Variants in DOCK8 observed in about 807,000 individuals in gnomAD.
The protein encoded by DOCK8 is dedicator of cytokinesis 8.
A neutral mutation model predicts 245.6 loss-of-function variants in DOCK8; 141 were observed. The ratio of observed to expected loss-of-function variants is 0.57; its 90% CI spans 0.50 to 0.66. DOCK8 has a LOEUF of 0.66. Ranked by LOEUF, DOCK8 falls within the 30% of genes least tolerant of loss-of-function variation. The pLI is 0.00. For missense variants in DOCK8, 2,965 were observed against 2,603.4 expected (o/e 1.14, Z -3.02); for synonymous variants, 1,168 against 970.2 (o/e 1.20, Z -3.79).
At chr9:357,737 G>A (rs558388365) in intron 14 of DOCK8, among the ~76,000 whole-genome samples, 26 of 152,286 alleles carry the variant, frequency 1.7e-4, no homozygotes, top group South Asian at 1.5e-3. Context: ...TGCTGCTTGC[G>A]ATAACACCCC....
Position 371,438 on chromosome 9 carries a change from T to C in DOCK8, c.1879T>C (p.Phe627Leu). Residue 627 changes from phenylalanine (F) to leucine (L), a missense_variant, in exon 17 of 48, where the codon TTT becomes CTT. Physicochemically the swap from Phe to Leu is conservative, Grantham distance 22. This residue lies in a region of DOCK8 where 2,825 missense variants were observed against 2,453.5 expected (regional missense o/e 1.15). Coordinates refer to ENST00000432829, the MANE Select transcript of DOCK8 (RefSeq NM_203447.4). Reference protein sequence around the residue: ...AVTYHNKSPDFYEEVKIKLPA... With the variant: ...AVTYHNKSPDLYEEVKIKLPA... ...GTGCTTTTGAAACAGGTCTCCTGAC[T>C]TTTATGAAGAAGTGAAAATTAAGCT... 1 of 1,614,216 alleles carries C rather than the reference T, an allele frequency of 6.2e-7. No homozygotes were observed. The highest frequency in any genetic ancestry group is 8.5e-7 in the Non-Finnish European group (1 of 1,180,022).
At chr9:370,789 G>A (rs1017985202) in intron 16 of DOCK8, among the ~76,000 whole-genome samples, 31 of 152,178 alleles carry the variant, frequency 2.0e-4, no homozygotes, top group African/African-American at 7.5e-4. Flanking sequence ...GTTCCACAGG[G>A]AAGGGAGAGA....
In DOCK8 at chr9:452,031, A is replaced by T; in HGVS notation, c.5982A>T (p.Gln1994His). Residue 1994 changes from glutamine to histidine, a missense_variant, in exon 46 of 48, where the codon CAA (glutamine) becomes CAT (histidine). By Grantham distance (24) the Gln-to-His change is conservative. This residue lies in a region of DOCK8 where 134 missense variants were observed against 128.1 expected (regional missense o/e 1.05). Transcript: ENST00000432829. ...TVNQGPLEVA[Q>H]VFLAEIPADP... ...ACCAGGGACCACTGGAAGTAGCCCA[A>T]GTGTTTTTGGCTGAAATTCCTGCTG... 1 of 1,584,752 alleles carries T rather than the reference A, an allele frequency of 6.3e-7. No individual in the cohort carries two copies. Among genetic ancestry groups the T allele is most frequent in the East Asian group, 2.3e-5 (1 of 43,662 alleles).
chr9:259,366 C>G (rs2047862348), intron 1 of DOCK8, among the ~76,000 whole-genome samples: 1 of 152,120 alleles, frequency 6.6e-6, no homozygotes, highest in African/African-American at 2.4e-5. Flanking sequence ...GTATTTCCTT[C>G]TAGTTTTTAA....
intron 26 of DOCK8, among the ~76,000 whole-genome samples, chr9:399,988 C>CCA (rs1554691473): frequency 1.3e-5 from 1 of 79,462 alleles, no homozygotes; most frequent in Non-Finnish European, 2.3e-5. Context: ...ATCACCACCT[C>CCA]CCACCACCTC....
intron 12 of DOCK8, among the ~76,000 whole-genome samples, chr9:337,415 G>C (rs2130902381): frequency 6.6e-6 from 1 of 152,260 alleles, no homozygotes. Flanking sequence ...TTTGTTCCTT[G>C]TGATACCAAC....
At chr9:276,990 G>A (rs894071265) in intron 2 of DOCK8, 1 of 338,462 alleles carries the variant, frequency 3.0e-6, no homozygotes, top group Non-Finnish European at 6.2e-6. Context: ...TATTTTTTTT[G>A]TAGAGACGGA....
chr9:415,143 A>G (rs2055933362), intron 29 of DOCK8, among the ~76,000 whole-genome samples, 192 bp downstream of exon 29: 1 of 152,114 alleles, frequency 6.6e-6, no homozygotes, highest in Non-Finnish European at 1.5e-5. Context: ...ATAGCCCCAT[A>G]TGTGTTTTTT....
intron 7 of DOCK8, among the ~76,000 whole-genome samples, chr9:318,548 C>A (rs946589847): frequency 6.6e-6 from 1 of 152,248 alleles, no homozygotes; most frequent in Admixed American, 6.5e-5. Flanking sequence ...AGTCTGCTCA[C>A]ACAGCTATGG....
chr9:277,460 A>AGAAGG (rs1350799829), intron 2 of DOCK8, among the ~76,000 whole-genome samples: 1 of 60,748 alleles, frequency 1.6e-5, no homozygotes, highest in Non-Finnish European at 3.2e-5. Flanking sequence ...AGAGAAAGAG[A>AGAAGG]GAAGAGAAGA....
intron 1 of DOCK8, among the ~76,000 whole-genome samples, chr9:262,420 C>G (rs532474983): frequency 7.5e-6 from 1 of 132,828 alleles, no homozygotes; most frequent in South Asian, 2.7e-4. Context: ...GAAAACAACT[C>G]AAATGTCCAT....
At chr9:387,613 G>C (rs2054009502) in intron 23 of DOCK8, among the ~76,000 whole-genome samples, 1 of 152,202 alleles carries the variant, frequency 6.6e-6, no homozygotes, top group South Asian at 2.1e-4. Flanking sequence ...AAGTGTGGGA[G>C]GGCCGGGGCC....
chr9:342,906 C>T (rs1257992516), intron 14 of DOCK8, among the ~76,000 whole-genome samples: 1 of 152,042 alleles, frequency 6.6e-6, no homozygotes, highest in Non-Finnish European at 1.5e-5. Context: ...TTTGTCTTTG[C>T]CCCTCTGTAC....
At chr9:393,339 A>G (rs16937790) in intron 24 of DOCK8, among the ~76,000 whole-genome samples, 10,788 of 152,118 alleles carry the variant, frequency 0.071, 1,262 homozygotes, top group African/African-American at 0.25. Context: ...TGGCATACCA[A>G]TGGGAGAAAG....
At chr9:406,865 A>G in intron 27 of DOCK8, 65 bp from the exon 28 acceptor site, 1 of 1,609,118 alleles carries the variant, frequency 6.2e-7, no homozygotes, top group Non-Finnish European at 8.5e-7. Flanking sequence ...CTCAGTAAAC[A>G]CTGGCCATCG....
At chr9:433,825 C>T in intron 37 of DOCK8, 50 bp from the exon 38 acceptor site, 1 of 1,448,686 alleles carries the variant, frequency 6.9e-7, no homozygotes, top group Non-Finnish European at 9.7e-7. Flanking sequence ...CCTAACTCTT[C>T]ACCTGGGACT....
intron 10 of DOCK8, among the ~76,000 whole-genome samples, chr9:333,576 G>C (rs543950817): frequency 6.6e-6 from 1 of 150,446 alleles, no homozygotes; most frequent in African/African-American, 2.5e-5. Flanking sequence ...ACTCCAGCCT[G>C]GGTGACAGAG....
At chr9:346,963 A>G (rs10491691) in intron 14 of DOCK8, among the ~76,000 whole-genome samples, 1 of 151,922 alleles carries the variant, frequency 6.6e-6, no homozygotes, top group African/African-American at 2.4e-5. Flanking sequence ...CCAAGGAAAT[A>G]GGTTCCCAGT....
rs992125181 is a variant in DOCK8, at chr9:461,942, T to C, written c.6069-1575T>C. Among the ~76,000 whole-genome samples the C allele has an allele frequency of 4.6e-5, 7 of 152,014 alleles. No homozygotes were observed. In the East Asian group the frequency reaches 1.2e-3, roughly 25 times the overall value. On this transcript the variant is annotated intron_variant, in intron 46 of 47. Coordinates refer to ENST00000432829, the MANE Select transcript of DOCK8 (RefSeq NM_203447.4). ...TTTCCCTGTTTATTTGTTTTTATCA[T>C]GGATTTTATACCTTTTATTTATTTT...
Sources: gnomAD v4.1 joint callset for allele counts (sites outside exome capture counted in the v4.1 genomes callset) on GRCh38, gnomAD v4.1.1 for gene constraint, gnomAD v4.1.1 regional missense constraint, MANE v1.5 for transcripts, NCBI Gene and HGNC (gene_info 2026-07-23, HGNC 2026-07-21) for gene names.